ATP2B2: variants seen among roughly 807,000 people sequenced by gnomAD.
ATP2B2 encodes the protein plasma membrane calcium-transporting ATPase 2.
Under a neutral mutation model 120.0 loss-of-function variants are expected in ATP2B2, and 15 were observed. That is an observed-to-expected ratio of 0.12 (90% CI 0.08 to 0.19). The LOEUF is 0.19. ATP2B2 is among the 10% of genes least tolerant of loss of function. The pLI is 1.00. For missense variants in ATP2B2, 1,045 were observed against 1,719.8 expected, an observed-to-expected ratio of 0.61 and a Z score of 6.94; for synonymous variants, 694 against 700.3, an observed-to-expected ratio of 0.99 and a Z score of 0.14.
At chr3:10,675,550 C>G (rs544368204) in intron 1 of ATP2B2, among the ~76,000 whole-genome samples, 1 of 152,306 alleles carries the variant, frequency 6.6e-6, no homozygotes, top group South Asian at 2.1e-4. Flanking sequence ...CATCAACAGA[C>G]CCCTCTTTGC....
intron 1 of ATP2B2, among the ~76,000 whole-genome samples, chr3:10,639,255 GA>G (rs1428585125): frequency 5.3e-5 from 8 of 152,226 alleles, no homozygotes; most frequent in African/African-American, 1.9e-4. Flanking sequence ...TGGCTCCAAT[GA>G]GGGACTTTAA....
chr3:10,648,886 G>C (rs910250204), intron 1 of ATP2B2, among the ~76,000 whole-genome samples: 20 of 152,220 alleles, frequency 1.3e-4, no homozygotes, highest in Admixed American at 2.0e-4. Flanking sequence ...CACAGCAGAA[G>C]CTTCCTCATT....
At chr3:10,589,460 G>A (rs527513372) in intron 2 of ATP2B2, among the ~76,000 whole-genome samples, 19 of 152,348 alleles carry the variant, frequency 1.2e-4, no homozygotes, top group Admixed American at 4.6e-4. Context: ...TGGAAGAGAT[G>A]AGCCTGTTGC....
chr3:10,570,479 C>T (rs181826925), intron 2 of ATP2B2: 1 of 152,324 alleles, frequency 6.6e-6, no homozygotes, highest in Admixed American at 6.5e-5. Context: ...TTTTAAGAAA[C>T]CAGTGTCTCC....
intron 2 of ATP2B2, among the ~76,000 whole-genome samples, chr3:10,442,027 A>C (rs1398251970): frequency 3.3e-5 from 5 of 152,162 alleles, no homozygotes; most frequent in Non-Finnish European, 7.3e-5. Flanking sequence ...CTTCATAGTA[A>C]GAATCAGGGC....
At chr3:10,582,597 G>A (rs188393104) in intron 2 of ATP2B2, among the ~76,000 whole-genome samples, 3 of 152,374 alleles carry the variant, frequency 2.0e-5, no homozygotes, top group Admixed American at 1.3e-4. Context: ...CTGCAGTTGG[G>A]CAGTGAGGGC....
At chr3:10,336,475 C>G (rs1461499053) in intron 22 of ATP2B2, among the ~76,000 whole-genome samples, 2 of 152,230 alleles carry the variant, frequency 1.3e-5, no homozygotes, top group African/African-American at 4.8e-5. Context: ...CTGCTCAGCT[C>G]TGGGCCCACC....
chr3:10,630,935 A>T (rs961006574), intron 1 of ATP2B2, among the ~76,000 whole-genome samples: 2 of 152,176 alleles, frequency 1.3e-5, no homozygotes, highest in South Asian at 4.2e-4. Context: ...CAGTCTTTCA[A>T]CTACTTCCTC....
At chr3:10,483,224 G>C (rs569465810) in intron 1 of ATP2B2, among the ~76,000 whole-genome samples, 2 of 152,346 alleles carry the variant, frequency 1.3e-5, no homozygotes, top group African/African-American at 2.4e-5. Flanking sequence ...CAACTGGTAG[G>C]ATAGGTGTGA....
At chr3:10,554,948 C>A (rs949199400) in intron 2 of ATP2B2, among the ~76,000 whole-genome samples, 7 of 152,164 alleles carry the variant, frequency 4.6e-5, no homozygotes, top group Admixed American at 4.6e-4. Context: ...CCCTTCCCTG[C>A]CATTCTCTGC....
chr3:10,391,471 G>A (rs2061847452), intron 5 of ATP2B2, among the ~76,000 whole-genome samples: 1 of 152,138 alleles, frequency 6.6e-6, no homozygotes, highest in Admixed American at 6.5e-5. Context: ...AAAGATGCAG[G>A]GGGCCAATTT....
intron 1 of ATP2B2, among the ~76,000 whole-genome samples, chr3:10,683,143 T>A (rs2071423512): frequency 6.6e-6 from 1 of 151,416 alleles, no homozygotes; most frequent in Non-Finnish European, 1.5e-5. Context: ...TTTACTTTTT[T>A]ATTTTTTAAT....
rs1190606248 is a variant in ATP2B2 at position 10,375,750 on chromosome 3, C to T, written c.1202-106G>A. On this transcript the variant is annotated intron_variant, in intron 10 of 22. Coordinates refer to ENST00000360273, the MANE Select transcript of ATP2B2 (RefSeq NM_001001331.4). This position sits in a 1 kb window ranked among gnomAD's most constrained non-coding sequence, Gnocchi z 4.2. Reference sequence around the variant, plus strand: ...GAGCTCCGGGTCAGGCTGACCCCAGCTCACCTCCCAGCTCTGCCACTCCTT... The same window carrying T: ...GAGCTCCGGGTCAGGCTGACCCCAGTTCACCTCCCAGCTCTGCCACTCCTT... The T allele has an allele frequency of 5.1e-6, 5 of 975,886 alleles. No homozygotes were observed. Among genetic ancestry groups the T allele is most frequent in the South Asian group, 1.4e-5 (1 of 71,672 alleles). 60.5% of individuals were successfully genotyped at this position (975,886 alleles called of 1,614,324 possible).
chr3:10,409,271 C>T (rs1396927505), intron 3 of ATP2B2, among the ~76,000 whole-genome samples: 3 of 152,170 alleles, frequency 2.0e-5, no homozygotes, highest in Non-Finnish European at 2.9e-5. Flanking sequence ...CCAGAATTCT[C>T]GTAAAGAGAA....
intron 3 of ATP2B2, among the ~76,000 whole-genome samples, chr3:10,532,522 G>T (rs941330887): frequency 1.3e-5 from 2 of 152,206 alleles, no homozygotes; most frequent in African/African-American, 4.8e-5. Context: ...CCCTGAGGAT[G>T]GCTTGTGGAT....
At chr3:10,540,837 G>T (rs1185527676) in intron 2 of ATP2B2, among the ~76,000 whole-genome samples, 1 of 150,910 alleles carries the variant, frequency 6.6e-6, no homozygotes, top group Admixed American at 6.6e-5. Flanking sequence ...CCTTCACGTT[G>T]TGCACATGTA....
intron 2 of ATP2B2, among the ~76,000 whole-genome samples, chr3:10,445,414 G>A (rs753892717): frequency 7.3e-5 from 11 of 151,178 alleles, no homozygotes; most frequent in Non-Finnish European, 1.5e-4. Flanking sequence ...GAGGTAAGAA[G>A]ATAAAGGCGT....
At chr3:10,465,781 G>A (rs1020041525) in intron 1 of ATP2B2, among the ~76,000 whole-genome samples, 4 of 152,182 alleles carry the variant, frequency 2.6e-5, no homozygotes, top group African/African-American at 7.2e-5. Context: ...CTTTCTCCAG[G>A]TTTGGGCCTG....
At chr3:10,686,269 T>TAA (rs569857004) in intron 1 of ATP2B2, among the ~76,000 whole-genome samples, 150 of 152,248 alleles carry the variant, frequency 9.9e-4, no homozygotes, top group African/African-American at 3.5e-3. Context: ...CAAACTGATG[T>TAA]TAGTCTTGTG....
Sources: allele counts gnomAD v4.1 joint callset (sites outside exome capture counted in the v4.1 genomes callset), GRCh38; gene constraint gnomAD v4.1.1; non-coding constraint Gnocchi (gnomAD v3.1); transcripts MANE v1.5; gene names NCBI Gene and HGNC (gene_info 2026-07-23, HGNC 2026-07-21).